The following LOC400499 variants were observed in gnomAD, a reference collection of about 807,000 sequenced individuals.
chr16:11,461,101 T>A, the LOC400499 span: 1 of 1,535,542 alleles, frequency 6.5e-7, no homozygotes, highest in Admixed American at 2.0e-5. Context: ...TCCATTCTCC[T>A]CCTTCCTCTC....
At chr16:11,502,937 T>TTTTTTA in the LOC400499 span, among the ~76,000 whole-genome samples, 1,028 of 146,238 alleles carry the variant, frequency 7.0e-3, 38 homozygotes, top group African/African-American at 0.026. Flanking sequence ...TTTTTTTTTT[T>TTTTTTA]AAGAGACAGG....
the LOC400499 span, among the ~76,000 whole-genome samples, chr16:11,440,020 G>T: frequency 3.9e-5 from 6 of 152,152 alleles, no homozygotes; most frequent in South Asian, 2.1e-4. Flanking sequence ...TTCACCGAAG[G>T]TTACACAGCT....
chr16:11,420,600 C>T, the LOC400499 span, among the ~76,000 whole-genome samples: 4 of 76,594 alleles, frequency 5.2e-5, no homozygotes, highest in African/African-American at 1.5e-4. Flanking sequence ...ATAATAAACC[C>T]CCCCCCCCGG....
chr16:11,374,656 G>C, the LOC400499 span, among the ~76,000 whole-genome samples: 258 of 152,178 alleles, frequency 1.7e-3, 1 homozygote, highest in African/African-American at 6.0e-3. Context: ...GCGTGTGTCA[G>C]AATTTCCTTC....
the LOC400499 span, chr16:11,484,929 G>A: frequency 1.5e-5 from 6 of 399,340 alleles, no homozygotes; most frequent in Non-Finnish European, 2.6e-5. Flanking sequence ...GGACACTCGG[G>A]GCTGGCTGGC....
chr16:11,484,397 G>A, the LOC400499 span, among the ~76,000 whole-genome samples: 2 of 152,170 alleles, frequency 1.3e-5, no homozygotes, highest in African/African-American at 2.4e-5. Flanking sequence ...TCATGAGTGT[G>A]TACATGGGTC....
chr16:11,424,665 G>A, the LOC400499 span, among the ~76,000 whole-genome samples: 1 of 152,210 alleles, frequency 6.6e-6, no homozygotes, highest in Admixed American at 6.5e-5. Flanking sequence ...ATCTCAGAGG[G>A]AAACAGGGGT....
the LOC400499 span, chr16:11,431,035 C>T: frequency 2.5e-6 from 1 of 399,116 alleles, no homozygotes; most frequent in Non-Finnish European, 4.4e-6. Context: ...CAGGCCCTCA[C>T]CCTCTTGAAG....
chr16:11,481,287 G>C, the LOC400499 span, among the ~76,000 whole-genome samples: 13 of 152,274 alleles, frequency 8.5e-5, no homozygotes, highest in Admixed American at 8.5e-4. Flanking sequence ...AAGTGGTGGT[G>C]GCACAACATG....
the LOC400499 span, among the ~76,000 whole-genome samples, chr16:11,428,576 G>C: frequency 2.0e-5 from 3 of 152,290 alleles, no homozygotes; most frequent in African/African-American, 7.2e-5. Context: ...AGAACGAACA[G>C]AGGACGCTCT....
At chr16:11,405,270 C>T in the LOC400499 span, among the ~76,000 whole-genome samples, 96 of 152,312 alleles carry the variant, frequency 6.3e-4, 1 homozygote, top group African/African-American at 2.1e-3. Context: ...GTAGGAGGCA[C>T]GCAGTTGGTA....
the LOC400499 span, among the ~76,000 whole-genome samples, chr16:11,422,560 AC>A: frequency 0.47 from 70,718 of 151,968 alleles, 16,667 homozygotes; most frequent in East Asian, 0.56. Context: ...AAGGCCCCTC[AC>A]CTGTTTTATG....
the LOC400499 span, chr16:11,387,256 C>G: frequency 1.7e-5 from 21 of 1,232,178 alleles, 1 homozygote; most frequent in African/African-American, 2.2e-4. Flanking sequence ...GCTCGTCCCC[C>G]GCAGGCAACA....
chr16:11,415,016 T>G, the LOC400499 span, among the ~76,000 whole-genome samples: 1 of 152,178 alleles, frequency 6.6e-6, no homozygotes, highest in Non-Finnish European at 1.5e-5. Flanking sequence ...GCTTTCTGAA[T>G]GACTGTGGGA....
the LOC400499 span, among the ~76,000 whole-genome samples, chr16:11,419,324 A>C: frequency 6.6e-6 from 1 of 152,022 alleles, no homozygotes; most frequent in African/African-American, 2.4e-5. Context: ...ATCTTTGACA[A>C]ACCTGAGAAA....
At chr16:11,520,283 C>G in the LOC400499 span, among the ~76,000 whole-genome samples, 1 of 151,964 alleles carries the variant, frequency 6.6e-6, no homozygotes, top group Non-Finnish European at 1.5e-5. Flanking sequence ...AAAAATAAAC[C>G]AGACACAAAG....
the LOC400499 span, chr16:11,460,978 T>C: frequency 2.0e-6 from 3 of 1,535,158 alleles, no homozygotes; most frequent in Non-Finnish European, 2.6e-6. Flanking sequence ...GAGGCTGTAC[T>C]GGATCCTCAG....
the LOC400499 span, among the ~76,000 whole-genome samples, chr16:11,408,169 G>A: frequency 6.6e-6 from 1 of 152,022 alleles, no homozygotes; most frequent in African/African-American, 2.4e-5. Context: ...TTTTAGTAGA[G>A]ATGGGGTTTC....
chr16:11,492,952 G>A, the LOC400499 span, among the ~76,000 whole-genome samples: 5 of 152,160 alleles, frequency 3.3e-5, no homozygotes, highest in African/African-American at 1.2e-4. Context: ...ATGTGAAAAA[G>A]AAAGGCCTGG....
Sources: gnomAD v4.1 joint callset for allele counts (sites outside exome capture counted in the v4.1 genomes callset) on GRCh38, gnomAD v4.1.1 for gene constraint, MANE v1.5 for transcripts.